Variants in CSF2RB observed in about 807,000 individuals in gnomAD.
CSF2RB encodes the protein colony stimulating factor 2 receptor subunit beta.
Under a neutral mutation model 67.2 loss-of-function variants are expected in CSF2RB, and 22 were observed. That is an observed-to-expected ratio of 0.33 (90% CI 0.23 to 0.47). The LOEUF (loss-of-function observed/expected upper bound fraction) is 0.47, where lower values mean the gene tolerates loss of function less well. Ranked by LOEUF, CSF2RB falls within the 20% of genes least tolerant of loss-of-function variation. The probability of loss-of-function intolerance (pLI) is 1.00; values close to 1 mark genes in which losing one functional copy is unlikely to be tolerated. For synonymous variants in CSF2RB, 507 were observed against 482.9 expected (o/e 1.05, Z -0.65); for missense variants, 1,113 against 1,174.5 (o/e 0.95, Z 0.76).
intron 1 of CSF2RB, among the ~76,000 whole-genome samples, chr22:36,917,605 T>A (rs187886811): frequency 3.3e-5 from 5 of 152,332 alleles, no homozygotes; most frequent in African/African-American, 1.2e-4. Context: ...TCTTTATGTT[T>A]TTAGGGATTT....
chr22:36,927,130 C>T (rs1014228750), intron 4 of CSF2RB, among the ~76,000 whole-genome samples: 3 of 152,150 alleles, frequency 2.0e-5, no homozygotes, highest in Non-Finnish European at 2.9e-5. Flanking sequence ...AAGGGTCACA[C>T]GGAAGGGGCT....
At position 36,938,428 on chromosome 22, in the gene CSF2RB, T is replaced by G; in HGVS notation, c.2620T>G (p.Phe874Val). Residue 874 changes from phenylalanine to valine, a missense_variant, in exon 14 of 14, where the codon TTC becomes GTC. Around this residue, in one of 2 missense-constraint regions of CSF2RB, gnomAD observed 554 missense variants for 517.9 expected, o/e 1.07. Transcript: ENST00000403662. ...AVPQVPVIQL[F>V]KALKQQDYLS... ...GCCCCAGGTGCCCGTCATTCAGCTC[T>G]TCAAAGCCCTGAAGCAGCAGGACTA... 6.2e-7 allele frequency: 1 copy of G among 1,614,164 alleles called. No individual in the cohort carries two copies. The highest frequency in any genetic ancestry group is 8.5e-7 in the Non-Finnish European group (1 of 1,180,014).
intron 2 of CSF2RB, chr22:36,922,580 C>A: frequency 1.8e-6 from 1 of 548,032 alleles, no homozygotes. Flanking sequence ...CCCTGCCCCT[C>A]CTTCCCCAGC....
At chr22:36,914,183 C>A (rs1344512915) in intron 1 of CSF2RB, among the ~76,000 whole-genome samples, 1 of 151,942 alleles carries the variant, frequency 6.6e-6, no homozygotes, top group Non-Finnish European at 1.5e-5. Context: ...CCCGTGTGTG[C>A]ATTTGTGTGT....
rs146302338 is a variant in CSF2RB at position 36,926,159 on chromosome 22, G to T, written c.373G>T (p.Val125Phe). The change falls in exon 4 of 14, where the codon GTC becomes TTC. Residue 125 changes from valine to phenylalanine, a missense_variant. Val to Phe is a conservative substitution (Grantham distance 50). Around this residue, in one of 2 missense-constraint regions of CSF2RB, gnomAD observed 559 missense variants for 656.5 expected, o/e 0.85. Transcript: ENST00000403662. ...PDRPLGTRLT[V>F]TLTQHVQPPE... Reference sequence around the variant, plus strand: ...CAGGCCTCTGGGCACCCGGCTCACCGTCACTCTGACCCAGCATGGTGAGGG... The same window carrying T: ...CAGGCCTCTGGGCACCCGGCTCACCTTCACTCTGACCCAGCATGGTGAGGG... 1 of 1,614,126 alleles carries T rather than the reference G, an allele frequency of 6.2e-7. No individual in the cohort carries two copies. Among genetic ancestry groups the T allele is most frequent in the Non-Finnish European group, 8.5e-7 (1 of 1,180,044 alleles).
intron 4 of CSF2RB, among the ~76,000 whole-genome samples, chr22:36,928,933 C>T (rs996751628): frequency 6.6e-6 from 1 of 152,146 alleles, no homozygotes; most frequent in Non-Finnish European, 1.5e-5. Flanking sequence ...AGGGATTCCG[C>T]CTGGAGATGC....
chr22:36,930,332 A>T, intron 6 of CSF2RB, 43 bp from the exon 7 acceptor site: 1 of 1,612,200 alleles, frequency 6.2e-7, no homozygotes, highest in Non-Finnish European at 8.5e-7. Flanking sequence ...GAGCTATGGG[A>T]GGGATGAATG....
intron 3 of CSF2RB, among the ~76,000 whole-genome samples, chr22:36,924,087 T>TG (rs1273756012): frequency 6.6e-6 from 1 of 151,978 alleles, no homozygotes. Flanking sequence ...ACCCCAGCGT[T>TG]GGGGGGCGGG....
At chr22:36,925,774 A>G (rs900513561) in intron 3 of CSF2RB, among the ~76,000 whole-genome samples, 1 of 151,974 alleles carries the variant, frequency 6.6e-6, no homozygotes, top group African/African-American at 2.4e-5. Context: ...ATTTTTCCAC[A>G]TGAAGTTCTC....
rs1191541734 is a variant in CSF2RB, at chr22:36,931,548, ATAT to A, written c.1012+722_1012+724del. On this transcript the variant is annotated intron_variant, in intron 8 of 13. Transcript: ENST00000403662. The stretch of plus-strand genomic sequence containing the variant: ...AGACCTCAGCAAATTACGGGCATTC[ATAT>A]TATGTTTATACAGTGAAGGCATCAA... 2.0e-5 allele frequency among the ~76,000 whole-genome samples: 3 copies of A among 152,254 alleles called. No homozygotes were observed. In the East Asian group the frequency reaches 5.8e-4, roughly 29 times the overall value.
chr22:36,929,849 G>A (rs1242248330), intron 6 of CSF2RB, 42 bp downstream of exon 6: 11 of 1,596,934 alleles, frequency 6.9e-6, no homozygotes, highest in Non-Finnish European at 6.8e-6. Flanking sequence ...TGGTGGGAGG[G>A]CAGGCTCATC....
In CSF2RB at chr22:36,938,918, T is replaced by G; in HGVS notation, c.*416T>G. On this transcript the variant is annotated 3_prime_UTR_variant, in exon 14 of 14. Coordinates refer to ENST00000403662, the MANE Select transcript of CSF2RB (RefSeq NM_000395.3). ...CTTATCAGACTGAGATGCGGCTGGTTGTGTTGAGGACTTGTGTGGGCTGCC... is the reference window on the plus strand; with the variant it reads ...CTTATCAGACTGAGATGCGGCTGGTGGTGTTGAGGACTTGTGTGGGCTGCC... 1.7e-6 allele frequency: 1 copy of G among 586,990 alleles called. No homozygotes were observed. The highest frequency in any genetic ancestry group is 3.0e-6 in the Non-Finnish European group (1 of 328,900). 36.4% of individuals were successfully genotyped at this position (586,990 alleles called of 1,614,324 possible).
rs1941213788 is a variant in CSF2RB, at chr22:36,933,920, T to G, written c.1241T>G (p.Val414Gly). The change falls in exon 10 of 14, where the codon GTC becomes GGC. Residue 414 changes from valine (V) to glycine (G), a missense_variant. Val to Gly is a moderately radical substitution (Grantham distance 109). Coordinates refer to ENST00000403662, the MANE Select transcript of CSF2RB (RefSeq NM_000395.3). ...PSTRYWARVR[V>G]RTSRTGYNGI... Reference sequence around the variant, plus strand: ...ACCAGGTACTGGGCCAGGGTGAGGGTCAGGACCTCCCGCACCGGCTACAAC... The same window carrying G: ...ACCAGGTACTGGGCCAGGGTGAGGGGCAGGACCTCCCGCACCGGCTACAAC... 6.2e-7 allele frequency: 1 copy of G among 1,611,576 alleles called. No individual in the cohort carries two copies. The highest frequency in any genetic ancestry group is 1.3e-5 in the African/African-American group (1 of 74,628).
rs1472180655 is a variant in CSF2RB, at chr22:36,937,679, G to A, written c.1871G>A (p.Gly624Glu). ...GGGAGCCAGAAGTCCCCACCTCCAG[G>A]GTCCCTGGAGTACCTGTGTCTGCCT... is the stretch of plus-strand genomic sequence containing the variant. ...EGGSQKSPPP[G>E]SLEYLCLPAG... The change falls in exon 14 of 14, where the codon GGG (glycine) becomes GAG (glutamate). Residue 624 changes from glycine (G) to glutamate (E), a missense_variant. Gly to Glu is a moderately conservative substitution (Grantham distance 98, BLOSUM62 -2). Transcript: ENST00000403662. The surrounding 1 kb of genome is among the most constrained non-coding windows in gnomAD (Gnocchi z 4.6). 13 of 1,554,110 alleles carry A rather than the reference G, an allele frequency of 8.4e-6. No individual in the cohort carries two copies. The highest frequency in any genetic ancestry group is 1.1e-5 in the Non-Finnish European group (13 of 1,148,584).
intron 1 of CSF2RB, among the ~76,000 whole-genome samples, chr22:36,916,718 G>A (rs1940723382): frequency 6.6e-6 from 1 of 152,156 alleles, no homozygotes; most frequent in African/African-American, 2.4e-5. Context: ...AATTAGCCGG[G>A]TTTGGTGGTG....
chr22:36,921,465 TTGTG>T (rs148312934), intron 1 of CSF2RB, among the ~76,000 whole-genome samples: 10 of 150,940 alleles, frequency 6.6e-5, no homozygotes, highest in African/African-American at 2.4e-4. Flanking sequence ...GTCCGTGTGC[TTGTG>T]TGTGTGTGTG....
Position 36,932,795 on chromosome 22 carries a change from C to G in CSF2RB, c.1043C>G (p.Thr348Ser), listed in dbSNP as rs1045760421. ...ATGGCCCCTCCATCCCTCAACGTGACCAAGGATGGAGACAGCTACAGCCTG... is the reference window on the plus strand; with the variant it reads ...ATGGCCCCTCCATCCCTCAACGTGAGCAAGGATGGAGACAGCTACAGCCTG... Reference protein sequence around the residue: ...IQMAPPSLNVTKDGDSYSLRW... With the variant: ...IQMAPPSLNVSKDGDSYSLRW... The change falls in exon 9 of 14, where the codon ACC (threonine) becomes AGC (serine). Residue 348 changes from threonine (T) to serine (S), a missense_variant. Physicochemically the swap from Thr to Ser is moderately conservative, Grantham distance 58. This residue lies in a region of CSF2RB where 559 missense variants were observed against 656.5 expected (regional missense o/e 0.85). Coordinates refer to ENST00000403662, the MANE Select transcript of CSF2RB (RefSeq NM_000395.3). The G allele has an allele frequency of 4.3e-6, 7 of 1,613,856 alleles. No individual in the cohort carries two copies. Among genetic ancestry groups the G allele is most frequent in the African/African-American group, 2.7e-5 (2 of 74,918 alleles).
At chr22:36,923,684 T>C (rs796940258) in intron 3 of CSF2RB, 35 of 1,343,886 alleles carry the variant, frequency 2.6e-5, no homozygotes, top group African/African-American at 1.0e-4. Flanking sequence ...CCTATCTTAG[T>C]TCCTCCTCAC....
At chr22:36,917,247 C>G (rs939247723) in intron 1 of CSF2RB, among the ~76,000 whole-genome samples, 3 of 152,188 alleles carry the variant, frequency 2.0e-5, no homozygotes, top group Non-Finnish European at 4.4e-5. Context: ...TAAGGGTTCT[C>G]CTTCCATGTA....
Sources: gnomAD v4.1 joint callset for allele counts (sites outside exome capture counted in the v4.1 genomes callset) on GRCh38, gnomAD v4.1.1 for gene constraint, gnomAD v4.1.1 regional missense constraint, Gnocchi (gnomAD v3.1) non-coding constraint, MANE v1.5 for transcripts, NCBI Gene and HGNC (gene_info 2026-07-23, HGNC 2026-07-21) for gene names.